The following CEP85L variants were observed in gnomAD, a reference collection of about 807,000 sequenced individuals.
CEP85L encodes the protein centrosomal protein of 85 kDa-like.
Under a neutral mutation model 100.3 loss-of-function variants are expected in CEP85L, and 60 were observed. The observed-to-expected ratio is 0.60, with a 90% confidence interval of 0.49 to 0.74. CEP85L has a LOEUF of 0.74. Ranked by LOEUF, CEP85L falls within the 30% of genes least tolerant of loss-of-function variation. The pLI, the probability that CEP85L is intolerant of heterozygous loss-of-function variation, is 0.00. For synonymous variants in CEP85L, 319 were observed against 322.7 expected (o/e 0.99, Z 0.12); for missense variants, 973 against 936.2 (o/e 1.04, Z -0.51).
intron 3 of CEP85L, among the ~76,000 whole-genome samples, chr6:118,564,074 AAAG>A (rs1213668727): frequency 3.3e-5 from 5 of 152,264 alleles, no homozygotes; most frequent in Non-Finnish European, 5.9e-5. Context: ...TATGCACTAG[AAAG>A]AAGATTTAAA....
At chr6:118,484,719 T>G (rs1774048398) in intron 6 of CEP85L, among the ~76,000 whole-genome samples, 1 of 152,052 alleles carries the variant, frequency 6.6e-6, no homozygotes, top group South Asian at 2.1e-4. Context: ...CCCAAATGCT[T>G]TATGGGAACT....
chr6:118,503,195 T>C (rs530075908), intron 5 of CEP85L, among the ~76,000 whole-genome samples: 1 of 152,146 alleles, frequency 6.6e-6, no homozygotes, highest in South Asian at 2.1e-4. Flanking sequence ...ACCATCTATA[T>C]AAGCAATCAA....
chr6:118,684,616 C>T (rs906491560), intron 1 of CEP85L, among the ~76,000 whole-genome samples: 1 of 152,210 alleles, frequency 6.6e-6, no homozygotes, highest in African/African-American at 2.4e-5. Flanking sequence ...AATGAAAGCT[C>T]AGCGTTGCTT....
chr6:118,537,086 A>G (rs1777637941), intron 3 of CEP85L, among the ~76,000 whole-genome samples: 1 of 152,170 alleles, frequency 6.6e-6, no homozygotes. Flanking sequence ...TTGATAAATC[A>G]TAAAATTACT....
chr6:118,482,123 C>A (rs1419673883), intron 7 of CEP85L, among the ~76,000 whole-genome samples, 190 bp from the exon 8 acceptor site: 1 of 150,374 alleles, frequency 6.7e-6, no homozygotes, highest in African/African-American at 2.4e-5. Flanking sequence ...CCTAGAAGAA[C>A]AGAATTACAA....
At chr6:118,635,889 C>T (rs1408972292) in intron 1 of CEP85L, among the ~76,000 whole-genome samples, 2 of 152,212 alleles carry the variant, frequency 1.3e-5, no homozygotes, top group South Asian at 2.1e-4. Flanking sequence ...GCCCACTGTA[C>T]ATATTAATGC....
chr6:118,672,348 T>C (rs1776334000), intron 1 of CEP85L, among the ~76,000 whole-genome samples: 2 of 152,198 alleles, frequency 1.3e-5, no homozygotes, highest in Non-Finnish European at 2.9e-5. Context: ...TGATATATTA[T>C]ATTATTCTTT....
At chr6:118,556,124 T>C (rs1481867667) in intron 3 of CEP85L, among the ~76,000 whole-genome samples, 1 of 152,210 alleles carries the variant, frequency 6.6e-6, no homozygotes, top group Admixed American at 6.5e-5. Context: ...TGGGTGTATG[T>C]CTTTACGGCA....
intron 1 of CEP85L, among the ~76,000 whole-genome samples, chr6:118,688,886 G>A (rs1366151653): frequency 1.3e-5 from 2 of 152,206 alleles, no homozygotes; most frequent in African/African-American, 4.8e-5. Flanking sequence ...CATTGGGCAT[G>A]TGTGTGGACC....
chr6:118,550,395 A>T (rs1301417055), intron 3 of CEP85L, among the ~76,000 whole-genome samples: 22 of 151,828 alleles, frequency 1.4e-4, no homozygotes, highest in Non-Finnish European at 1.5e-5. Flanking sequence ...ATTTTTAATT[A>T]AAAAACCTAA....
chr6:118,518,275 C>A (rs1025696646), intron 4 of CEP85L, among the ~76,000 whole-genome samples: 1 of 152,130 alleles, frequency 6.6e-6, no homozygotes, highest in Non-Finnish European at 1.5e-5. Flanking sequence ...CCCTCTTTTT[C>A]TACTGTTTGA....
intron 2 of CEP85L, among the ~76,000 whole-genome samples, chr6:118,578,802 C>G (rs72954806): frequency 0.13 from 20,258 of 152,174 alleles, 1,733 homozygotes; most frequent in Non-Finnish European, 0.18. Context: ...CAGGCAGCAC[C>G]CTTCTGTAGA....
chr6:118,687,643 C>G (rs1036122619), intron 1 of CEP85L, among the ~76,000 whole-genome samples: 1 of 152,188 alleles, frequency 6.6e-6, no homozygotes, highest in Non-Finnish European at 1.5e-5. Context: ...ACAGCAACCC[C>G]CTTTGGGTCC....
chr6:118,529,199 A>G (rs1777141321), intron 3 of CEP85L, among the ~76,000 whole-genome samples: 2 of 152,236 alleles, frequency 1.3e-5, no homozygotes, highest in South Asian at 4.1e-4. Context: ...TGTCAATTTA[A>G]TGTGTCTGCA....
chr6:118,696,585 G>A (rs888335270), intron 1 of CEP85L, among the ~76,000 whole-genome samples: 14 of 152,200 alleles, frequency 9.2e-5, no homozygotes, highest in African/African-American at 3.4e-4. Context: ...TCATGAGCCC[G>A]TTGAGTGAGC....
At chr6:118,631,429 A>C (rs1344119210) in intron 2 of CEP85L, among the ~76,000 whole-genome samples, 1 of 152,210 alleles carries the variant, frequency 6.6e-6, no homozygotes, top group African/African-American at 2.4e-5. Context: ...TAAAATCTAA[A>C]TATGCTACTA....
intron 2 of CEP85L, among the ~76,000 whole-genome samples, chr6:118,567,233 G>GTA (rs1779576208): frequency 2.3e-5 from 2 of 85,940 alleles, no homozygotes; most frequent in African/African-American, 4.3e-5. Flanking sequence ...GTGTGTGTGT[G>GTA]TGTGTGTGTG....
At position 118,462,938 on chromosome 6, in the gene CEP85L, T is replaced by A. The variant is rs1420452033; in HGVS notation, c.*2467A>T. 1 of 151,944 alleles carries A rather than the reference T, an allele frequency of 6.6e-6. No homozygotes were observed. Among genetic ancestry groups the A allele is most frequent in the African/African-American group, 2.4e-5 (1 of 41,424 alleles). The allele number at this position is 151,944 out of a possible 1,614,324, so 9.4% of individuals were successfully genotyped here. A position where few individuals can be genotyped will look rare whatever the true frequency, so the allele number is the denominator to read the frequency against. On this transcript the variant is annotated 3_prime_UTR_variant, in exon 13 of 13. Coordinates refer to ENST00000368491, the MANE Select transcript of CEP85L (RefSeq NM_001042475.3). ...TCTATCTACTGTTTATGTAGGCCCCTTTACAAACTCCAGATTTTAAGAGGA... is the reference window on the plus strand; with the variant it reads ...TCTATCTACTGTTTATGTAGGCCCCATTACAAACTCCAGATTTTAAGAGGA...
chr6:118,622,377 T>A (rs564482388), intron 2 of CEP85L, among the ~76,000 whole-genome samples: 1 of 152,196 alleles, frequency 6.6e-6, no homozygotes, highest in Non-Finnish European at 1.5e-5. Context: ...GGGGAGCCAA[T>A]TGAGCATAAC....
Sources: allele counts gnomAD v4.1 joint callset (sites outside exome capture counted in the v4.1 genomes callset), GRCh38; gene constraint gnomAD v4.1.1; transcripts MANE v1.5; gene names NCBI Gene and HGNC (gene_info 2026-07-23, HGNC 2026-07-21).